The following HSPA12A variants were observed in gnomAD, a reference collection of about 807,000 sequenced individuals.
HSPA12A encodes heat shock protein family A (Hsp70) member 12A, also known as heat shock 70 kDa protein 12A.
HSPA12A carries 28 observed loss-of-function variants against 69.2 expected under a neutral mutation model. That is an observed-to-expected ratio of 0.40 (90% confidence interval 0.30 to 0.55). HSPA12A has a LOEUF of 0.55. Ranked by LOEUF, HSPA12A falls within the 20% of genes least tolerant of loss-of-function variation. The pLI, the probability that HSPA12A is intolerant of heterozygous loss-of-function variation, is 0.38. For synonymous variants in HSPA12A, 345 were observed against 370.5 expected (o/e 0.93, Z 0.79); for missense variants, 686 against 900.7 (o/e 0.76, Z 3.05).
chr10:116,674,004 G>A lies in HSPA12A; in HGVS notation c.*777C>T, dbSNP rs1554877138. 6.6e-6 allele frequency: 1 copy of A among 152,134 alleles called. No individual in the cohort carries two copies. Among genetic ancestry groups the A allele is most frequent in the Non-Finnish European group, 1.5e-5 (1 of 68,032 alleles). The allele number at this position is 152,134 out of a possible 1,614,324, so 9.4% of individuals were successfully genotyped here. A position where few individuals can be genotyped will look rare whatever the true frequency, so the allele number is the denominator to read the frequency against. On this transcript the variant is annotated 3_prime_UTR_variant, in exon 12 of 12. Transcript: ENST00000369209. ...CTTATGAACTCAGAAATCAGGGCTG[G>A]GCATGCTGGGAATTTATGTCACAGC...
intron 3 of HSPA12A, among the ~76,000 whole-genome samples, chr10:116,704,846 C>T (rs1554882125): frequency 6.6e-6 from 1 of 152,204 alleles, no homozygotes; most frequent in Non-Finnish European, 1.5e-5. Context: ...CCATCACAGA[C>T]ACTACAGATC....
intron 5 of HSPA12A, among the ~76,000 whole-genome samples, chr10:116,695,327 G>T (rs1484350718): frequency 6.6e-6 from 1 of 152,128 alleles, no homozygotes; most frequent in Non-Finnish European, 1.5e-5. Context: ...GGGAGGTGGG[G>T]CCTAATGGGA....
intron 2 of HSPA12A, among the ~76,000 whole-genome samples, chr10:116,766,771 A>T (rs1554889796): frequency 6.6e-6 from 1 of 152,198 alleles, no homozygotes; most frequent in South Asian, 2.1e-4. Flanking sequence ...TCTTTGGTTC[A>T]AATAATCTTT....
intron 7 of HSPA12A, chr10:116,683,387 A>C (rs2133370770): frequency 6.4e-6 from 1 of 155,992 alleles, no homozygotes; most frequent in South Asian, 2.0e-4. Context: ...CATGAAGCAG[A>C]CCCAATGAGT....
chr10:116,681,217 A>G lies in HSPA12A; in HGVS notation c.962T>C (p.Val321Ala), dbSNP rs1554878548. 6.2e-7 allele frequency: 1 copy of G among 1,614,058 alleles called. No homozygotes were observed. Among genetic ancestry groups the G allele is most frequent in the Non-Finnish European group, 8.5e-7 (1 of 1,180,030 alleles). ...CCGGATCTGATGGACTGTCAGGTCT[A>G]CGGTGCCACCGCCACTGTCCACAAC... ...YVVVDSGGGT[V>A]DLTVHQIRLP... Residue 321 changes from valine to alanine, a missense_variant, in exon 9 of 12, where the codon GTA becomes GCA. Coordinates refer to ENST00000369209, the MANE Select transcript of HSPA12A (RefSeq NM_025015.3).
At chr10:116,792,057 AATAAT>A (rs1354904325) in intron 2 of HSPA12A, among the ~76,000 whole-genome samples, 3 of 151,914 alleles carry the variant, frequency 2.0e-5, no homozygotes, top group African/African-American at 4.8e-5. Flanking sequence ...CATTAATAAT[AATAAT>A]ATAATAATAA....
intron 5 of HSPA12A, among the ~76,000 whole-genome samples, chr10:116,695,957 C>T (rs1230847737): frequency 1.4e-5 from 2 of 144,450 alleles, no homozygotes; most frequent in Non-Finnish European, 3.0e-5. Flanking sequence ...GAGCCGAGAT[C>T]GCACTACTGC....
chr10:116,697,197 G>A (rs973498311), intron 5 of HSPA12A, among the ~76,000 whole-genome samples: 2 of 152,110 alleles, frequency 1.3e-5, no homozygotes, highest in African/African-American at 4.8e-5. Context: ...ATTTCCTTTA[G>A]TGGTCACACA....
At chr10:116,728,320 T>C (rs77713783) in intron 1 of HSPA12A, among the ~76,000 whole-genome samples, 3,504 of 20,556 alleles carry the variant, frequency 0.17, 46 homozygotes, top group Middle Eastern at 0.44. Context: ...CATTTTCTAC[T>C]AATGATATTC....
intron 2 of HSPA12A, among the ~76,000 whole-genome samples, chr10:116,801,529 A>G (rs2133168379): frequency 6.6e-6 from 1 of 152,310 alleles, no homozygotes; most frequent in African/African-American, 2.4e-5. Context: ...TGGTCACCTC[A>G]CACTGAAAAA....
chr10:116,765,014 G>A (rs1342738675), intron 2 of HSPA12A, among the ~76,000 whole-genome samples: 6 of 152,198 alleles, frequency 3.9e-5, no homozygotes, highest in Admixed American at 1.3e-4. Context: ...TTGAATAAAT[G>A]AGTAAAGATG....
intron 1 of HSPA12A, among the ~76,000 whole-genome samples, chr10:116,708,870 G>GT (rs1208713128): frequency 6.6e-6 from 1 of 152,208 alleles, no homozygotes; most frequent in Non-Finnish European, 1.5e-5. Flanking sequence ...GATGGCTACA[G>GT]TTTTTTAAGA....
At position 116,769,918 on chromosome 10, in the gene HSPA12A, C is replaced by T. The variant is rs190403239; in HGVS notation, c.92-62633G>A. The stretch of plus-strand genomic sequence containing the variant: ...GCCTCGGCTCCTTGTGCTTAAAATT[C>T]TTTCCGCCTTCCAGCTGGGTATGCT... On this transcript the variant is annotated intron_variant, in intron 2 of 12. Transcript: ENST00000635765. 4.5e-4 allele frequency among the ~76,000 whole-genome samples: 69 copies of T among 152,206 alleles called. 1 individual carries two copies. Among genetic ancestry groups the T allele is most frequent in the Non-Finnish European group, 1.6e-4 (11 of 68,040 alleles).
rs12416256 is a variant in HSPA12A at position 116,804,938 on chromosome 10, G to A, written c.91+29997C>T. On this transcript the variant is annotated intron_variant, in intron 2 of 12. Coordinates refer to the HSPA12A transcript ENST00000635765. The stretch of plus-strand genomic sequence containing the variant: ...CAAAAAAGATAGGCGAGCCTTGCAC[G>A]TCCTGTGGGAAGGCACGGATAGTGG... Among the ~76,000 whole-genome samples the A allele has an allele frequency of 4.9e-3, 747 of 152,302 alleles. 16 individuals carry two copies. Among genetic ancestry groups the A allele is most frequent in the Admixed American group, 0.045 (691 of 15,302 alleles).
chr10:116,787,976 G>A (rs1844613779), intron 2 of HSPA12A, among the ~76,000 whole-genome samples: 1 of 152,160 alleles, frequency 6.6e-6, no homozygotes, highest in Non-Finnish European at 1.5e-5. Flanking sequence ...TGAGGGTCGG[G>A]GATAGGAGGG....
chr10:116,845,270 T>C (rs1845861484), intron 1 of HSPA12A, among the ~76,000 whole-genome samples: 1 of 152,200 alleles, frequency 6.6e-6, no homozygotes, highest in African/African-American at 2.4e-5. Flanking sequence ...TACTATTACA[T>C]TGAGGGAGGG....
chr10:116,685,026 G>A (rs1849535624), intron 6 of HSPA12A, among the ~76,000 whole-genome samples: 1 of 152,212 alleles, frequency 6.6e-6, no homozygotes, highest in South Asian at 2.1e-4. Context: ...AGGTACACGG[G>A]TGTCCTCAGT....
chr10:116,784,591 AATGCCTTTAAGATTGGCTTATGATT>A (rs1844536206), intron 2 of HSPA12A, among the ~76,000 whole-genome samples: 1 of 152,222 alleles, frequency 6.6e-6, no homozygotes, highest in Non-Finnish European at 1.5e-5. Context: ...GGAATGAGTG[AATGCCTTTAAGATTGGCTTATGATT>A]GACATTTATG....
chr10:116,833,148 T>C (rs1451871228), intron 2 of HSPA12A: 1 of 152,232 alleles, frequency 6.6e-6, no homozygotes, highest in Non-Finnish European at 1.5e-5. Flanking sequence ...CAAATGCCCA[T>C]GGATTAATTC....
Sources: allele counts gnomAD v4.1 joint callset (sites outside exome capture counted in the v4.1 genomes callset), GRCh38; gene constraint gnomAD v4.1.1; transcripts MANE v1.5; gene names NCBI Gene and HGNC (gene_info 2026-07-23, HGNC 2026-07-21).